TEAD1: variants seen among roughly 807,000 people sequenced by gnomAD.
TEAD1 encodes the protein TEA domain transcription factor 1, also known as transcriptional enhancer factor TEF-1.
Under a neutral mutation model 54.9 loss-of-function variants are expected in TEAD1, and 9 were observed. The ratio of observed to expected loss-of-function variants is 0.16; its 90% CI spans 0.10 to 0.29. The LOEUF is 0.29. Among genes scored for constraint, TEAD1 ranks in the 10% least tolerant of loss-of-function variants. TEAD1 has a pLI of 1.00. For synonymous variants in TEAD1, 200 were observed against 187.8 expected (o/e 1.07, Z -0.53); for missense variants, 387 against 535.9 (o/e 0.72, Z 2.74).
intron 10 of TEAD1, among the ~76,000 whole-genome samples, chr11:12,919,274 G>A (rs1448015435): frequency 6.7e-6 from 1 of 148,452 alleles, no homozygotes; most frequent in Non-Finnish European, 1.5e-5. Flanking sequence ...AAAGTTGTTT[G>A]GGGAGTTCTA....
chr11:12,767,675 A>T (rs1945232334), intron 3 of TEAD1, among the ~76,000 whole-genome samples: 1 of 152,100 alleles, frequency 6.6e-6, no homozygotes, highest in Non-Finnish European at 1.5e-5. Flanking sequence ...TGGGGAGCTG[A>T]GACTTTATGT....
chr11:12,818,229 G>A (rs1302001111), intron 3 of TEAD1, among the ~76,000 whole-genome samples: 1 of 152,174 alleles, frequency 6.6e-6, no homozygotes, highest in African/African-American at 2.4e-5. Flanking sequence ...TGCCCAGAGT[G>A]TATCTCAACT....
chr11:12,812,257 C>A (rs932554349), intron 3 of TEAD1, among the ~76,000 whole-genome samples: 8 of 152,052 alleles, frequency 5.3e-5, no homozygotes, highest in Non-Finnish European at 1.2e-4. Context: ...TCAGTGATGG[C>A]TTCCTGGTGT....
At chr11:12,881,089 C>G in intron 7 of TEAD1, 38 bp downstream of exon 7, 1 of 1,611,188 alleles carries the variant, frequency 6.2e-7, no homozygotes, top group Middle Eastern at 1.7e-4. Flanking sequence ...CAACTACGGG[C>G]TGGTCCCAGC....
chr11:12,734,665 AC>A (rs1442604905), intron 2 of TEAD1, among the ~76,000 whole-genome samples: 1 of 152,180 alleles, frequency 6.6e-6, no homozygotes, highest in African/African-American at 2.4e-5. Flanking sequence ...ACAAATACTT[AC>A]CATTGAGTTA....
intron 9 of TEAD1, among the ~76,000 whole-genome samples, chr11:12,900,730 T>C (rs769264878): frequency 2.6e-4 from 39 of 152,300 alleles, no homozygotes; most frequent in Non-Finnish European, 5.1e-4. Flanking sequence ...TGCCCAAGCC[T>C]TCTGTTAGTT....
At chr11:12,701,079 A>C (rs1467956225) in intron 2 of TEAD1, among the ~76,000 whole-genome samples, 1 of 152,194 alleles carries the variant, frequency 6.6e-6, no homozygotes, top group East Asian at 1.9e-4. Context: ...TTGATTCTTC[A>C]TGTGTACAGT....
intron 3 of TEAD1, among the ~76,000 whole-genome samples, chr11:12,819,400 T>C (rs538519563): frequency 6.6e-6 from 1 of 152,014 alleles, no homozygotes; most frequent in Admixed American, 6.5e-5. Context: ...AGTCCATTTA[T>C]GCCTTATGCA....
chr11:12,716,316 G>A (rs1299682321), intron 2 of TEAD1, among the ~76,000 whole-genome samples: 1 of 149,574 alleles, frequency 6.7e-6, no homozygotes, highest in Non-Finnish European at 1.5e-5. Flanking sequence ...AGCAGAGAGT[G>A]TGACTTCCTA....
chr11:12,880,880 G>C, intron 6 of TEAD1, 125 bp from the exon 7 acceptor site: 1 of 1,109,480 alleles, frequency 9.0e-7, no homozygotes, highest in East Asian at 2.4e-5. Context: ...TTTGCACTCT[G>C]GGAAAGCGAT....
intron 3 of TEAD1, among the ~76,000 whole-genome samples, chr11:12,800,362 A>G (rs1390755759): frequency 6.6e-6 from 1 of 152,206 alleles, no homozygotes; most frequent in Admixed American, 6.5e-5. Context: ...CAGTGTAGCA[A>G]GCTTTGATCA....
chr11:12,788,649 G>A (rs1385551455), intron 3 of TEAD1, among the ~76,000 whole-genome samples: 2 of 152,326 alleles, frequency 1.3e-5, no homozygotes, highest in Admixed American at 6.5e-5. Context: ...CATGTAAGAC[G>A]TGGTCCATAT....
chr11:12,858,948 T>C (rs949939634), intron 3 of TEAD1, among the ~76,000 whole-genome samples: 2 of 152,208 alleles, frequency 1.3e-5, no homozygotes, highest in Non-Finnish European at 2.9e-5. Flanking sequence ...TACTGAATAC[T>C]GTAGGCCATT....
intron 2 of TEAD1, among the ~76,000 whole-genome samples, chr11:12,684,456 T>C (rs1470423300): frequency 5.3e-5 from 8 of 152,212 alleles, no homozygotes; most frequent in Non-Finnish European, 7.3e-5. Flanking sequence ...AGCAAAACAA[T>C]GCTTAGGGTC....
At chr11:12,837,662 T>TCTTCTTC (rs1946922600) in intron 3 of TEAD1, among the ~76,000 whole-genome samples, 5 of 113,664 alleles carry the variant, frequency 4.4e-5, no homozygotes, top group African/African-American at 1.5e-4. Flanking sequence ...TTTCTCTCCT[T>TCTTCTTC]CTTCTTCCTT....
At chr11:12,893,175 G>C (rs1027987674) in intron 9 of TEAD1, among the ~76,000 whole-genome samples, 2 of 152,236 alleles carry the variant, frequency 1.3e-5, no homozygotes, top group Non-Finnish European at 1.5e-5. Context: ...TTCCAGGTTT[G>C]GGGAGGAAGG....
intron 3 of TEAD1, among the ~76,000 whole-genome samples, chr11:12,849,993 A>G (rs534648194): frequency 2.0e-4 from 31 of 152,350 alleles, no homozygotes; most frequent in African/African-American, 7.0e-4. Context: ...AATTTCAACA[A>G]CATTAGCAAT....
chr11:12,696,623 G>C (rs1943589880), intron 2 of TEAD1, among the ~76,000 whole-genome samples: 1 of 152,152 alleles, frequency 6.6e-6, no homozygotes, highest in South Asian at 2.1e-4. Flanking sequence ...GCCTTATAAT[G>C]AACTCGTATT....
chr11:12,920,887 G>A (rs1948792985), intron 10 of TEAD1, among the ~76,000 whole-genome samples: 1 of 152,186 alleles, frequency 6.6e-6, no homozygotes, highest in Admixed American at 6.5e-5. Context: ...TGGTGTATCT[G>A]TGCCATAGAA....
Sources: gnomAD v4.1 joint callset for allele counts (sites outside exome capture counted in the v4.1 genomes callset) on GRCh38, gnomAD v4.1.1 for gene constraint, MANE v1.5 for transcripts, NCBI Gene and HGNC (gene_info 2026-07-23, HGNC 2026-07-21) for gene names.